SNX25: variants seen among roughly 807,000 people sequenced by gnomAD.
The protein encoded by SNX25 is sorting nexin-25.
Under a neutral mutation model 113.7 loss-of-function variants are expected in SNX25, and 62 were observed. The ratio of observed to expected loss-of-function variants is 0.55; its 90% confidence interval spans 0.44 to 0.67. SNX25 has a LOEUF of 0.67. Ranked by LOEUF, SNX25 falls within the 30% of genes least tolerant of loss-of-function variation. SNX25 has a pLI of 0.00. For missense variants in SNX25, 1,014 were observed against 1,161.0 expected (o/e 0.87, Z 1.84); for synonymous variants, 421 against 436.2 (o/e 0.97, Z 0.43).
At chr4:185,373,175 G>A (rs904186467), downstream of SNX25, 34 of 1,114,114 alleles carry the variant, frequency 3.1e-5, no homozygotes, top group Middle Eastern at 2.2e-4. Context: ...TTCCTAGATA[G>A]CACTATTAAT....
chr4:185,297,609 A>G (rs931896332), intron 6 of SNX25, among the ~76,000 whole-genome samples: 1 of 152,208 alleles, frequency 6.6e-6, no homozygotes, highest in East Asian at 1.9e-4. Context: ...GGCTTAAACA[A>G]CGTTTATTTC....
intron 10 of SNX25, among the ~76,000 whole-genome samples, chr4:185,335,359 A>ACAC (rs1579832686): frequency 2.8e-5 from 4 of 144,674 alleles, no homozygotes; most frequent in South Asian, 2.1e-4. Flanking sequence ...CACACACACA[A>ACAC]CAAAAACAAA....
At chr4:185,293,184 T>A (rs1488956069) in intron 6 of SNX25, among the ~76,000 whole-genome samples, 1 of 152,168 alleles carries the variant, frequency 6.6e-6, no homozygotes, top group Non-Finnish European at 1.5e-5. Context: ...ACTGGAAACC[T>A]TATACATTGC....
chr4:185,311,287 G>T (rs529687996), intron 7 of SNX25, among the ~76,000 whole-genome samples: 2 of 152,312 alleles, frequency 1.3e-5, no homozygotes, highest in South Asian at 4.1e-4. Context: ...CACATAGATA[G>T]GAAAAGCTAG....
At chr4:185,339,236 T>C in intron 10 of SNX25, 143 bp from the exon 11 acceptor site, 1 of 648,722 alleles carries the variant, frequency 1.5e-6, no homozygotes, top group Non-Finnish European at 2.4e-6. Context: ...GGAATTTTTT[T>C]CTTAATTTTG....
At chr4:185,276,940 C>T (rs543702321) in intron 5 of SNX25, among the ~76,000 whole-genome samples, 2 of 152,048 alleles carry the variant, frequency 1.3e-5, no homozygotes, top group South Asian at 2.1e-4. Context: ...GAGGAGTAGG[C>T]GAAGGGTTGA....
rs1439399944 is a variant in SNX25 at position 185,334,491 on chromosome 4, T to C, written c.1914+1732T>C. On this transcript the variant is annotated intron_variant, in intron 10 of 18. Transcript: ENST00000652585. This position sits in a 1 kb window ranked among gnomAD's most constrained non-coding sequence, Gnocchi z 4.2. ...CATACAGAACTCGAAAGCCTGATAG[T>C]CTTCCCAGTGACAAGAACATGTCTG... Among the ~76,000 whole-genome samples, 1 of 152,222 alleles carries C rather than the reference T, an allele frequency of 6.6e-6. No individual in the cohort carries two copies. Among genetic ancestry groups the C allele is most frequent in the African/African-American group, 2.4e-5 (1 of 41,452 alleles).
At chr4:185,209,252 T>A (rs1737354681), upstream of SNX25, 1 of 152,120 alleles carries the variant, frequency 6.6e-6, no homozygotes, top group South Asian at 2.1e-4. This position sits in a 1 kb window ranked among gnomAD's most constrained non-coding sequence, Gnocchi z 5.2. Context: ...CAGGCAGAAA[T>A]GTTTGCCGGC....
At chr4:185,220,490 T>A (rs1376661792) in intron 1 of SNX25, among the ~76,000 whole-genome samples, 1 of 150,624 alleles carries the variant, frequency 6.6e-6, no homozygotes, top group African/African-American at 2.4e-5. Flanking sequence ...GTCCCTTTTT[T>A]TTTTTTTTTT....
In SNX25 at chr4:185,248,402, A is replaced by G. The variant is rs148196952; in HGVS notation, c.514+1024A>G. Reference sequence around the variant, plus strand: ...GCTGGATGTGGTGGCTCATGCCTGTAATCCTAGCATTTTGGGAGACCGAGG... The same window carrying G: ...GCTGGATGTGGTGGCTCATGCCTGTGATCCTAGCATTTTGGGAGACCGAGG... On this transcript the variant is annotated intron_variant, in intron 2 of 18. Transcript: ENST00000652585. 3.1e-3 allele frequency among the ~76,000 whole-genome samples: 476 copies of G among 152,326 alleles called. 2 individuals carry two copies. The highest frequency in any genetic ancestry group is 8.8e-3 in the Admixed American group (135 of 15,290).
chr4:185,343,524 A>T (rs1201657135), intron 12 of SNX25, among the ~76,000 whole-genome samples: 4 of 152,224 alleles, frequency 2.6e-5, no homozygotes. Context: ...CTTTTATTTG[A>T]GAGAGGAGGG....
At chr4:185,228,497 TAGTG>T (rs1341585921) in intron 1 of SNX25, among the ~76,000 whole-genome samples, 6 of 133,868 alleles carry the variant, frequency 4.5e-5, no homozygotes, top group African/African-American at 8.3e-5. Flanking sequence ...TAATTACTGA[TAGTG>T]AGAACTATGA....
At chr4:185,227,557 A>G (rs1741207368) in intron 1 of SNX25, among the ~76,000 whole-genome samples, 1 of 152,206 alleles carries the variant, frequency 6.6e-6, no homozygotes, top group Non-Finnish European at 1.5e-5. Context: ...CCATCCAGGC[A>G]GCTTCATTAT....
intron 13 of SNX25, 65 bp downstream of exon 13, chr4:185,346,715 A>C (rs1235216133): frequency 9.8e-7 from 1 of 1,023,102 alleles, no homozygotes; most frequent in East Asian, 2.6e-5. Context: ...AACTGTCATC[A>C]TTCTACGAGC....
intron 5 of SNX25, among the ~76,000 whole-genome samples, chr4:185,282,011 A>T (rs547485728): frequency 1.3e-5 from 2 of 152,180 alleles, no homozygotes; most frequent in Admixed American, 6.5e-5. Flanking sequence ...GCGAGACTCC[A>T]TCTCAAAATA....
chr4:185,374,390 T>C (rs2126797196), downstream of SNX25: 1 of 1,614,216 alleles, frequency 6.2e-7, no homozygotes, highest in South Asian at 1.1e-5. Flanking sequence ...TGTAAGCAGC[T>C]GCAAATTTTA....
chr4:185,374,200 T>C, downstream of SNX25: 1 of 1,614,158 alleles, frequency 6.2e-7, no homozygotes, highest in African/African-American at 1.3e-5. Flanking sequence ...GCCTTCACAC[T>C]AGCTTTGGGA....
intron 9 of SNX25, among the ~76,000 whole-genome samples, chr4:185,327,922 C>T (rs1310397697): frequency 6.6e-6 from 1 of 152,134 alleles, no homozygotes; most frequent in Admixed American, 6.5e-5. Context: ...TATGAAATTG[C>T]TTGATCGATA....
chr4:185,351,389 C>A (rs140601005), intron 13 of SNX25, 56 bp from the exon 14 acceptor site: 3 of 1,561,582 alleles, frequency 1.9e-6, no homozygotes, highest in Non-Finnish European at 2.6e-6. Context: ...ACTTGTAGCT[C>A]CCAGCCACAC....
Sources: gnomAD v4.1 joint callset for allele counts (sites outside exome capture counted in the v4.1 genomes callset) on GRCh38, gnomAD v4.1.1 for gene constraint, Gnocchi (gnomAD v3.1) non-coding constraint, MANE v1.5 for transcripts, NCBI Gene and HGNC (gene_info 2026-07-23, HGNC 2026-07-21) for gene names.